The following HMGB1 variants were observed in gnomAD, a reference collection of about 807,000 sequenced individuals.
The protein encoded by HMGB1 is high mobility group protein B1.
For synonymous variants in HMGB1, 81 were observed against 84.0 expected (o/e 0.96, Z 0.19); for missense variants, 79 against 253.5 (o/e 0.31, Z 4.67).
intron 1 of HMGB1, among the ~76,000 whole-genome samples, chr13:30,596,388 G>A (rs1308053711): frequency 6.6e-6 from 1 of 152,172 alleles, no homozygotes; most frequent in African/African-American, 2.4e-5. Flanking sequence ...TTAGCATGAA[G>A]TTACATGTGG....
chr13:30,483,924 C>T (rs1887299100), intron 1 of HMGB1, among the ~76,000 whole-genome samples: 1 of 152,164 alleles, frequency 6.6e-6, no homozygotes, highest in Non-Finnish European at 1.5e-5. Flanking sequence ...GAATGTTCAG[C>T]TCTTAGCAGA....
At chr13:30,595,266 C>T (rs1048962465) in intron 1 of HMGB1, among the ~76,000 whole-genome samples, 1 of 152,096 alleles carries the variant, frequency 6.6e-6, no homozygotes, top group South Asian at 2.1e-4. Context: ...AAAAATACTG[C>T]ATTTGTTTCT....
At chr13:30,506,045 G>C (rs1384867421) in intron 1 of HMGB1, among the ~76,000 whole-genome samples, 1 of 152,154 alleles carries the variant, frequency 6.6e-6, no homozygotes, top group African/African-American at 2.4e-5. Flanking sequence ...GATTTGAGAA[G>C]AGAAGAAAAC....
At chr13:30,581,217 A>T (rs940295572) in intron 1 of HMGB1, among the ~76,000 whole-genome samples, 3 of 152,234 alleles carry the variant, frequency 2.0e-5, no homozygotes, top group African/African-American at 7.2e-5. Context: ...TATAACTTAG[A>T]TTACTTAGAG....
At chr13:30,544,861 C>G (rs1869074336) in intron 1 of HMGB1, among the ~76,000 whole-genome samples, 1 of 152,172 alleles carries the variant, frequency 6.6e-6, no homozygotes, top group South Asian at 2.1e-4. Flanking sequence ...TTCTCTGCAA[C>G]TGCAGGGCCC....
At chr13:30,583,529 A>C (rs1446866832) in intron 1 of HMGB1, among the ~76,000 whole-genome samples, 1 of 66,948 alleles carries the variant, frequency 1.5e-5, no homozygotes, top group Non-Finnish European at 3.1e-5. Flanking sequence ...CCTGGTCTCC[A>C]AAAAAAAAAA....
chr13:30,549,888 T>C (rs1056700041), intron 1 of HMGB1, among the ~76,000 whole-genome samples: 1 of 152,030 alleles, frequency 6.6e-6, no homozygotes, highest in Non-Finnish European at 1.5e-5. Flanking sequence ...GGCTAATTTT[T>C]GTATTTTTAG....
rs974775115 is a variant in HMGB1, at chr13:30,457,765, A to G, written c.*3592T>C. The G allele has an allele frequency of 6.6e-6, 1 of 152,178 alleles. No homozygotes were observed. The highest frequency in any genetic ancestry group is 1.5e-5 in the Non-Finnish European group (1 of 68,030). 9.4% of individuals were successfully genotyped at this position (152,178 alleles called of 1,614,324 possible). On this transcript the variant is annotated 3_prime_UTR_variant, in exon 5 of 5. Transcript: ENST00000341423. ...GATGTATCGTGAAACAAGCAATTCT[A>G]TAACAGAGCACTATTTTGCCTCATT...
In HMGB1 at chr13:30,471,329, GT is replaced by G. The variant is rs532477199; in HGVS notation, c.-14-7636del. 5.3e-4 allele frequency among the ~76,000 whole-genome samples: 81 copies of G among 151,880 alleles called. 1 individual carries two copies. Among genetic ancestry groups the G allele is most frequent in the Non-Finnish European group, 1.1e-3 (72 of 67,970 alleles). ...CCATGTTCAACCAAACCAATGGTTG[GT>G]TTTTTTGTTTTTTTGTTTTTTGTTT... On this transcript the variant is annotated intron_variant, in intron 1 of 4. Transcript: ENST00000405805.
At chr13:30,608,332 A>G (rs559213361) in intron 1 of HMGB1, among the ~76,000 whole-genome samples, 1 of 152,254 alleles carries the variant, frequency 6.6e-6, no homozygotes, top group South Asian at 2.1e-4. Flanking sequence ...AATAATACAT[A>G]CTGATTTAAC....
At chr13:30,473,672 G>A (rs1887000939) in intron 1 of HMGB1, among the ~76,000 whole-genome samples, 1 of 152,180 alleles carries the variant, frequency 6.6e-6, no homozygotes, top group African/African-American at 2.4e-5. Context: ...TAAACGGGCA[G>A]GTGTTTTGGA....
intron 1 of HMGB1, among the ~76,000 whole-genome samples, chr13:30,533,850 T>A (rs1016542564): frequency 6.6e-6 from 1 of 151,210 alleles, no homozygotes; most frequent in Non-Finnish European, 1.5e-5. Context: ...CTGTAGTAAA[T>A]CCTGGTAAAG....
At chr13:30,536,506 C>T (rs909827939) in intron 1 of HMGB1, among the ~76,000 whole-genome samples, 2 of 152,196 alleles carry the variant, frequency 1.3e-5, no homozygotes, top group African/African-American at 4.8e-5. Context: ...CATGCCACCA[C>T]ACCCGGCTAA....
intron 3 of HMGB1, 72 bp downstream of exon 3, chr13:30,463,131 CAAAG>C: frequency 7.1e-7 from 1 of 1,400,044 alleles, no homozygotes; most frequent in Non-Finnish European, 9.9e-7. Flanking sequence ...TCTAAACTGA[CAAAG>C]TAGCTTGCTA....
chr13:30,463,432 T>C (rs912454421), intron 2 of HMGB1, 80 bp from the exon 3 acceptor site: 10 of 1,530,292 alleles, frequency 6.5e-6, no homozygotes, highest in Admixed American at 5.7e-5. Context: ...TGCTATGTAA[T>C]AGCGTCCCAC....
chr13:30,588,938 T>A (rs1871265185), intron 1 of HMGB1, among the ~76,000 whole-genome samples: 2 of 151,608 alleles, frequency 1.3e-5, no homozygotes, highest in South Asian at 4.2e-4. Context: ...TAAAAATAAA[T>A]AACATTTACT....
At chr13:30,476,155 T>C (rs1045325353) in intron 1 of HMGB1, among the ~76,000 whole-genome samples, 8 of 132,932 alleles carry the variant, frequency 6.0e-5, no homozygotes, top group African/African-American at 2.3e-4. Flanking sequence ...ACAGGTAGCA[T>C]GTACTCTCTC....
chr13:30,594,461 C>A (rs917086724), intron 1 of HMGB1, among the ~76,000 whole-genome samples: 1 of 152,198 alleles, frequency 6.6e-6, no homozygotes, highest in African/African-American at 2.4e-5. Context: ...CTCCCACTTA[C>A]AAGTGAGAGC....
At chr13:30,499,795 A>G (rs1306093486) in intron 1 of HMGB1, among the ~76,000 whole-genome samples, 1 of 152,214 alleles carries the variant, frequency 6.6e-6, no homozygotes, top group Non-Finnish European at 1.5e-5. Context: ...TGTTTGAAGA[A>G]TTAAGAAAAC....
Sources: allele counts gnomAD v4.1 joint callset (sites outside exome capture counted in the v4.1 genomes callset), GRCh38; gene constraint gnomAD v4.1.1; transcripts MANE v1.5; gene names NCBI Gene and HGNC (gene_info 2026-07-23, HGNC 2026-07-21).